The following AIG1 variants were observed in gnomAD, a reference collection of about 807,000 sequenced individuals.
AIG1 encodes androgen induced 1.
A neutral mutation model predicts 31.4 loss-of-function variants in AIG1; 23 were observed. That is an observed-to-expected ratio of 0.73 (90% CI 0.53 to 1.04). The LOEUF (loss-of-function observed/expected upper bound fraction) is 1.04. Among genes scored for constraint, AIG1 ranks in the 50% least tolerant of loss-of-function variants. The pLI is 0.00. For missense variants in AIG1, 274 were observed against 295.0 expected (o/e 0.93, Z 0.52); for synonymous variants, 100 against 110.5 (o/e 0.90, Z 0.60).
Position 143,325,811 on chromosome 6 carries a change from T to C in AIG1, c.516-7471T>C, listed in dbSNP as rs1228928722. Among the ~76,000 whole-genome samples, 1 of 152,216 alleles carries C rather than the reference T, an allele frequency of 6.6e-6. No individual in the cohort carries two copies. Among genetic ancestry groups the C allele is most frequent in the African/African-American group, 2.4e-5 (1 of 41,456 alleles). On this transcript the variant is annotated intron_variant, in intron 4 of 5. Coordinates refer to ENST00000357847, the MANE Select transcript of AIG1 (RefSeq NM_016108.4). The surrounding 1 kb of genome is among the most constrained non-coding windows in gnomAD (Gnocchi z 4.3). Reference sequence around the variant, plus strand: ...CCTCTGTTCACTTCTGTTACTGTTTTAAAATGCTAGTAACAGTGAGTTACT... The same window carrying C: ...CCTCTGTTCACTTCTGTTACTGTTTCAAAATGCTAGTAACAGTGAGTTACT...
chr6:143,205,264 A>G (rs141337494), intron 3 of AIG1, among the ~76,000 whole-genome samples: 259 of 152,342 alleles, frequency 1.7e-3, no homozygotes, highest in Middle Eastern at 0.014. Context: ...TGCTTTCTAC[A>G]AATTATCCAG....
At chr6:143,091,999 T>C (rs1779346817) in intron 1 of AIG1, among the ~76,000 whole-genome samples, 1 of 152,148 alleles carries the variant, frequency 6.6e-6, no homozygotes, top group Non-Finnish European at 1.5e-5. Context: ...AATAATATTT[T>C]ACCTAAAAAA....
At chr6:143,097,855 A>G (rs1026532961) in intron 1 of AIG1, among the ~76,000 whole-genome samples, 2 of 152,150 alleles carry the variant, frequency 1.3e-5, no homozygotes, top group Non-Finnish European at 2.9e-5. Flanking sequence ...AAACTCTACT[A>G]TACTTTCTCT....
At chr6:143,185,072 T>C (rs1789120433) in intron 3 of AIG1, among the ~76,000 whole-genome samples, 1 of 151,994 alleles carries the variant, frequency 6.6e-6, no homozygotes, top group African/African-American at 2.4e-5. Context: ...GGTGCACGCC[T>C]GTAGTCCCAC....
Position 143,291,398 on chromosome 6 carries a change from C to T in AIG1, c.515+7173C>T, listed in dbSNP as rs75751021. Among the ~76,000 whole-genome samples the T allele has an allele frequency of 0.013, 1,939 of 152,148 alleles. 39 individuals are homozygous for T. Among genetic ancestry groups the T allele is most frequent in the African/African-American group, 0.044 (1,835 of 41,498 alleles). On this transcript the variant is annotated intron_variant, in intron 4 of 5. Transcript: ENST00000357847. This position sits in a 1 kb window ranked among gnomAD's most constrained non-coding sequence, Gnocchi z 4.2. ...GGGTGTTAAAGAGGTCTAGCTGGAGCCAGCCAGATCCCCCACATAAGGAAG... is the reference window on the plus strand; with the variant it reads ...GGGTGTTAAAGAGGTCTAGCTGGAGTCAGCCAGATCCCCCACATAAGGAAG...
At chr6:143,126,937 T>C (rs1036898111) in intron 1 of AIG1, among the ~76,000 whole-genome samples, 2 of 152,136 alleles carry the variant, frequency 1.3e-5, no homozygotes, top group African/African-American at 2.4e-5. Context: ...AGTACCTATA[T>C]AGTTGGTACT....
chr6:143,211,986 G>A (rs1791628989), intron 3 of AIG1, among the ~76,000 whole-genome samples: 1 of 152,026 alleles, frequency 6.6e-6, no homozygotes, highest in South Asian at 2.1e-4. Flanking sequence ...TGTAACCCAG[G>A]GTTTCTCAGC....
At chr6:143,102,189 A>G (rs924350449) in intron 1 of AIG1, among the ~76,000 whole-genome samples, 1 of 151,988 alleles carries the variant, frequency 6.6e-6, no homozygotes, top group Non-Finnish European at 1.5e-5. Context: ...AATATTTTAT[A>G]TGACTTTATT....
chr6:143,223,900 A>T (rs560442690), intron 3 of AIG1, among the ~76,000 whole-genome samples: 1 of 152,304 alleles, frequency 6.6e-6, no homozygotes, highest in Admixed American at 6.5e-5. Context: ...TTAATTAAGA[A>T]ATAGACTACC....
At chr6:143,287,737 T>TAAAAAA (rs59551903) in intron 4 of AIG1, among the ~76,000 whole-genome samples, 9 of 78,044 alleles carry the variant, frequency 1.2e-4, no homozygotes, top group African/African-American at 1.6e-4. Context: ...CTGACTACAG[T>TAAAAAA]AAAAAAAAAA....
intron 1 of AIG1, among the ~76,000 whole-genome samples, chr6:143,135,186 T>C (rs1465780178): frequency 1.3e-5 from 2 of 152,120 alleles, no homozygotes; most frequent in African/African-American, 4.8e-5. Context: ...TTAGTTTGCA[T>C]TTCCCTGGTT....
intron 3 of AIG1, among the ~76,000 whole-genome samples, chr6:143,166,745 G>A (rs956145629): frequency 1.3e-5 from 2 of 152,042 alleles, no homozygotes; most frequent in Non-Finnish European, 2.9e-5. Context: ...TTTGTGCCAG[G>A]CACTCTACAG....
chr6:143,291,661 T>G lies in AIG1; in HGVS notation c.515+7436T>G, dbSNP rs1023274009. The stretch of plus-strand genomic sequence containing the variant: ...ATCTCAGAACCAGTCCACGTCCTCC[T>G]CTTCTACTTCAGGGTCTTAGAGTGC... On this transcript the variant is annotated intron_variant, in intron 4 of 5. Transcript: ENST00000357847. The surrounding 1 kb of genome is among the most constrained non-coding windows in gnomAD (Gnocchi z 4.2). Among the ~76,000 whole-genome samples, 1 of 152,172 alleles carries G rather than the reference T, an allele frequency of 6.6e-6. No homozygotes were observed. The highest frequency in any genetic ancestry group is 2.4e-5 in the African/African-American group (1 of 41,436).
At position 143,164,997 on chromosome 6, in the gene AIG1, G is replaced by A. The variant is rs577211712; in HGVS notation, c.298-85G>A. On this transcript the variant is annotated intron_variant, in intron 2 of 5. Transcript: ENST00000357847. Reference sequence around the variant, plus strand: ...TCATCATAGATTCCAAATTCTGTTGGATTCTTTCAACTATTGTTAACCAAT... The same window carrying A: ...TCATCATAGATTCCAAATTCTGTTGAATTCTTTCAACTATTGTTAACCAAT... 15 of 1,050,124 alleles carry A rather than the reference G, an allele frequency of 1.4e-5. No homozygotes were observed. In the Admixed American group the frequency reaches 2.4e-4, roughly 17 times the overall value. The allele number at this position is 1,050,124 out of a possible 1,614,324, so 65.1% of individuals were successfully genotyped here.
chr6:143,184,162 C>T (rs79566191), intron 3 of AIG1, among the ~76,000 whole-genome samples: 78 of 152,322 alleles, frequency 5.1e-4, no homozygotes, highest in African/African-American at 1.8e-3. Flanking sequence ...TCTGATTAAG[C>T]ATCTCCAGTG....
intron 3 of AIG1, among the ~76,000 whole-genome samples, chr6:143,212,258 G>A (rs1287552102): frequency 1.3e-5 from 2 of 152,114 alleles, no homozygotes; most frequent in Admixed American, 6.5e-5. Flanking sequence ...AGTTTTAATT[G>A]CCTCATGCTT....
intron 1 of AIG1, 57 bp downstream of exon 1, chr6:143,061,123 T>G: frequency 1.5e-6 from 2 of 1,325,698 alleles, no homozygotes; most frequent in Non-Finnish European, 2.0e-6. Context: ...TGTGCGTGTG[T>G]GTGTGTGTGT....
At chr6:143,114,733 G>T (rs914768896) in intron 1 of AIG1, among the ~76,000 whole-genome samples, 1 of 152,284 alleles carries the variant, frequency 6.6e-6, no homozygotes, top group East Asian at 1.9e-4. Context: ...TATCATGATT[G>T]TCAGTTATTT....
At chr6:143,111,722 T>C (rs1000476228) in intron 1 of AIG1, among the ~76,000 whole-genome samples, 4 of 152,204 alleles carry the variant, frequency 2.6e-5, no homozygotes, top group Non-Finnish European at 5.9e-5. Flanking sequence ...CTTAACATGT[T>C]CTGCACCTTG....
Sources: allele counts gnomAD v4.1 joint callset (sites outside exome capture counted in the v4.1 genomes callset), GRCh38; gene constraint gnomAD v4.1.1; non-coding constraint Gnocchi (gnomAD v3.1); transcripts MANE v1.5; gene names NCBI Gene and HGNC (gene_info 2026-07-23, HGNC 2026-07-21).